SMPX: variants seen among roughly 807,000 people sequenced by gnomAD.
SMPX encodes the protein small muscular protein.
SMPX carries 2 observed loss-of-function variants against 6.3 expected under a neutral mutation model. The ratio of observed to expected loss-of-function variants is 0.32; its 90% CI spans 0.13 to 0.99. SMPX has a LOEUF of 0.99. Ranked by LOEUF, SMPX falls within the 50% of genes least tolerant of loss-of-function variation. The probability of loss-of-function intolerance (pLI) is 0.49; values close to 1 mark genes in which losing one functional copy is unlikely to be tolerated. For missense variants in SMPX, 60 were observed against 66.8 expected, an observed-to-expected ratio of 0.90 and a Z score of 0.36; for synonymous variants, 32 against 24.7, an observed-to-expected ratio of 1.30 and a Z score of -0.88.
intron 4 of SMPX, among the ~76,000 whole-genome samples, chrX:21,724,284 T>C (rs1198985047): frequency 8.9e-6 from 1 of 112,150 alleles, no homozygotes; most frequent in African/African-American, 3.2e-5. Flanking sequence ...ACCTGATCTT[T>C]CTGAAATTAA....
intron 3 of SMPX, among the ~76,000 whole-genome samples, chrX:21,742,767 G>A (rs1438597323): frequency 8.9e-6 from 1 of 112,134 alleles, no homozygotes. Context: ...GTTACAAGCA[G>A]GACAAAGTTG....
At chrX:21,741,225 C>T (rs964070779) in intron 3 of SMPX, among the ~76,000 whole-genome samples, 1 of 111,968 alleles carries the variant, frequency 8.9e-6, no homozygotes, top group African/African-American at 3.2e-5. Flanking sequence ...GATCAAAAGT[C>T]CTTCTGAGTT....
chrX:21,710,769 C>G, intron 4 of SMPX, among the ~76,000 whole-genome samples: 1 of 111,937 alleles, frequency 8.9e-6, no homozygotes. Context: ...CCAGTGCTAT[C>G]AACCTGTGCT....
intron 4 of SMPX, among the ~76,000 whole-genome samples, chrX:21,716,134 AAC>A (rs778374684): frequency 8.9e-6 from 1 of 112,183 alleles, no homozygotes; most frequent in Non-Finnish European, 1.9e-5. Flanking sequence ...GTCACCTTGT[AAC>A]AGAGTTTACT....
At chrX:21,754,803 C>T (rs1198848582) in intron 1 of SMPX, among the ~76,000 whole-genome samples, 1 of 112,029 alleles carries the variant, frequency 8.9e-6, no homozygotes, top group African/African-American at 3.2e-5. Context: ...GGCTGCGATG[C>T]TCTCTACTTG....
intron 4 of SMPX, among the ~76,000 whole-genome samples, chrX:21,722,633 G>A (rs2092792903): frequency 8.9e-6 from 1 of 111,944 alleles, no homozygotes; most frequent in South Asian, 3.8e-4. Context: ...TGGGGGGTAA[G>A]TTGATGTAGA....
chrX:21,732,548 C>T (rs916347638), intron 4 of SMPX, among the ~76,000 whole-genome samples: 1 of 112,075 alleles, frequency 8.9e-6, no homozygotes, highest in South Asian at 3.7e-4. Context: ...GTCAGGGCAC[C>T]GGCAACATCC....
chrX:21,751,587 T>C (rs1029143051), intron 2 of SMPX, among the ~76,000 whole-genome samples: 4 of 112,224 alleles, frequency 3.6e-5, no homozygotes, highest in African/African-American at 1.3e-4. Context: ...ACTGGAGACC[T>C]TGAGTGCCTC....
At chrX:21,734,821 A>G (rs998583827) in intron 4 of SMPX, among the ~76,000 whole-genome samples, 1 of 111,857 alleles carries the variant, frequency 8.9e-6, no homozygotes, top group African/African-American at 3.3e-5. Context: ...TCTGTGAACA[A>G]TTCTATCCAT....
chrX:21,711,880 C>G (rs1444572165), intron 4 of SMPX, among the ~76,000 whole-genome samples: 1 of 112,346 alleles, frequency 8.9e-6, no homozygotes, highest in African/African-American at 3.2e-5. Context: ...GCACCCAGAG[C>G]AAACTGGTTA....
intron 4 of SMPX, among the ~76,000 whole-genome samples, chrX:21,724,996 C>T (rs1008952990): frequency 4.5e-5 from 5 of 112,345 alleles, no homozygotes; most frequent in African/African-American, 1.6e-4. Context: ...TCCAAATAAA[C>T]CTGTTTCCTC....
At chrX:21,744,152 A>AT (rs1188685803) in intron 2 of SMPX, among the ~76,000 whole-genome samples, 1 of 111,581 alleles carries the variant, frequency 9.0e-6, no homozygotes, top group Non-Finnish European at 1.9e-5. Flanking sequence ...GGTGCATATT[A>AT]TTTTTCTCTC....
chrX:21,713,710 G>A (rs898798484), intron 4 of SMPX, among the ~76,000 whole-genome samples: 5 of 112,050 alleles, frequency 4.5e-5, no homozygotes, highest in South Asian at 3.7e-4. Context: ...AATTATGGGA[G>A]CTACAATTCA....
chrX:21,714,242 T>G (rs756116935), intron 4 of SMPX, among the ~76,000 whole-genome samples: 1 of 112,307 alleles, frequency 8.9e-6, no homozygotes, highest in South Asian at 3.7e-4. Flanking sequence ...TCCTTGGAAC[T>G]TTAAATATAC....
chrX:21,752,549 ACT>A (rs2092828531), intron 2 of SMPX, among the ~76,000 whole-genome samples: 1 of 110,455 alleles, frequency 9.1e-6, no homozygotes, highest in Non-Finnish European at 1.9e-5. Context: ...AGTCTCACTC[ACT>A]CTGTTGTCCA....
chrX:21,719,255 C>G (rs767845519), intron 4 of SMPX, among the ~76,000 whole-genome samples: 1 of 111,852 alleles, frequency 8.9e-6, no homozygotes, highest in African/African-American at 3.3e-5. Context: ...CGCAGTGGCT[C>G]ACGCCTGTAA....
intron 3 of SMPX, among the ~76,000 whole-genome samples, chrX:21,743,028 C>T (rs758475787): frequency 8.9e-6 from 1 of 111,790 alleles, no homozygotes; most frequent in Non-Finnish European, 1.9e-5. Flanking sequence ...GAAATATAAA[C>T]ATCTGAGGAA....
chrX:21,736,434 C>T (rs774938167), intron 4 of SMPX, among the ~76,000 whole-genome samples: 3 of 112,041 alleles, frequency 2.7e-5, no homozygotes, highest in Non-Finnish European at 5.6e-5. Context: ...AAGGCAGACT[C>T]CATTTTTAGA....
At chrX:21,725,304 C>T (rs1471021667) in intron 4 of SMPX, among the ~76,000 whole-genome samples, 6 of 112,036 alleles carry the variant, frequency 5.4e-5, no homozygotes, top group Non-Finnish European at 1.9e-5. Context: ...CTGGACCAGA[C>T]TCCAATAGTA....
Sources: allele counts gnomAD v4.1 joint callset (sites outside exome capture counted in the v4.1 genomes callset), GRCh38; gene constraint gnomAD v4.1.1; transcripts MANE v1.5; gene names NCBI Gene and HGNC (gene_info 2026-07-23, HGNC 2026-07-21).